SDK1: variants seen among roughly 807,000 people sequenced by gnomAD.
SDK1 encodes protein sidekick-1.
A neutral mutation model predicts 245.5 loss-of-function variants in SDK1; 157 were observed. The observed-to-expected ratio is 0.64, with a 90% CI of 0.56 to 0.73. The LOEUF (loss-of-function observed/expected upper bound fraction) is 0.73. SDK1 is among the 30% of genes least tolerant of loss of function. The pLI is 0.00. For missense variants in SDK1, 3,583 were observed against 3,002.3 expected, an observed-to-expected ratio of 1.19 and a Z score of -4.52; for synonymous variants, 1,647 against 1,278.5, an observed-to-expected ratio of 1.29 and a Z score of -6.15.
At chr7:3,607,715 C>G (rs769322242) in intron 1 of SDK1, among the ~76,000 whole-genome samples, 2 of 152,134 alleles carry the variant, frequency 1.3e-5, no homozygotes, top group Non-Finnish European at 2.9e-5. Context: ...TTTAGAAAGC[C>G]AAAAGTAAAT....
chr7:4,139,627 ATATG>A lies in SDK1; in HGVS notation c.4229-6091_4229-6088del, dbSNP rs1158410553. Among the ~76,000 whole-genome samples, 26 of 38,056 alleles carry A rather than the reference ATATG, an allele frequency of 6.8e-4. 4 individuals carry two copies. The highest frequency in any genetic ancestry group is 1.8e-3 in the African/African-American group (19 of 10,856). 25.0% of individuals were successfully genotyped at this position (38,056 alleles called of 152,430 possible). A position where few individuals can be genotyped will look rare whatever the true frequency, so the allele number is the denominator to read the frequency against. On this transcript the variant is annotated intron_variant, in intron 28 of 44. Transcript: ENST00000404826. ...TATGTGTGTGTATATGTGTGTGTGTATATGTATATATGTGTGTGTATATGTGTGT... is the reference window on the plus strand; with the variant it reads ...TATGTGTGTGTATATGTGTGTGTGTATATATATGTGTGTGTATATGTGTGT...
chr7:4,183,658 A>T (rs1271971616), intron 35 of SDK1, among the ~76,000 whole-genome samples: 1 of 151,908 alleles, frequency 6.6e-6, no homozygotes, highest in East Asian at 1.9e-4. Context: ...AAAAAAAAAA[A>T]AGAAAGTATG....
chr7:3,379,954 C>G (rs965823524), intron 1 of SDK1, among the ~76,000 whole-genome samples: 1 of 152,136 alleles, frequency 6.6e-6, no homozygotes, highest in Non-Finnish European at 1.5e-5. Flanking sequence ...ATCCAAAAAT[C>G]CAAAGGCTCT....
At chr7:4,077,381 C>T (rs1399790226) in intron 21 of SDK1, among the ~76,000 whole-genome samples, 192 bp downstream of exon 21, 6 of 152,360 alleles carry the variant, frequency 3.9e-5, no homozygotes, top group South Asian at 4.1e-4. Flanking sequence ...CATTCCACCA[C>T]GGCCTCACGT....
Position 4,178,540 on chromosome 7 carries a change from C to G in SDK1, c.5052C>G (p.Gly1684=), listed in dbSNP as rs144051283. 6 of 1,613,698 alleles carry G rather than the reference C, an allele frequency of 3.7e-6. No individual in the cohort carries two copies. Among genetic ancestry groups the G allele is most frequent in the South Asian group, 2.2e-5 (2 of 91,070 alleles). ...EVIMTAYNII[G]ESPASAPVEV... ...TAATGACCGCCTATAACATCATCGG[C>G]GAGAGCCCAGCCAGCGCGCCCGTGG... Residue 1684 remains glycine, a synonymous_variant, in exon 35 of 45, where the codon GGC becomes GGG. Transcript: ENST00000404826.
Position 3,974,387 on chromosome 7 carries a change from C to T in SDK1, c.1836C>T (p.Asp612=). The part of the protein sequence containing the change: ...RVSLRYVWKK[D]NVALTPSSTS... ...CCCACAGCTACGTTTGGAAGAAGGACAACGTGGCCCTGACTCCATCGAGCA... is the reference window on the plus strand; with the variant it reads ...CCCACAGCTACGTTTGGAAGAAGGATAACGTGGCCCTGACTCCATCGAGCA... The change falls in exon 13 of 45, where the codon GAC becomes GAT. Residue 612 remains aspartate, a synonymous_variant. Transcript: ENST00000404826. 6.2e-7 allele frequency: 1 copy of T among 1,613,022 alleles called. No individual in the cohort carries two copies. Among genetic ancestry groups the T allele is most frequent in the Non-Finnish European group, 8.5e-7 (1 of 1,179,192 alleles).
At chr7:4,129,781 A>G in intron 26 of SDK1, 127 bp from the exon 27 acceptor site, 3 of 1,515,602 alleles carry the variant, frequency 2.0e-6, no homozygotes, top group Non-Finnish European at 2.6e-6. Context: ...AGCCCTGCAC[A>G]CAGCCATCCT....
In SDK1 at chr7:3,913,804, A is replaced by G. The variant is rs140725202; in HGVS notation, c.848-37119A>G. On this transcript the variant is annotated intron_variant, in intron 5 of 44. Coordinates refer to ENST00000404826, the MANE Select transcript of SDK1 (RefSeq NM_152744.4). The stretch of plus-strand genomic sequence containing the variant: ...TGGGGTAGACAGATGCTGACCCCTG[A>G]CAATTTCTCTTTGATTTTCCTCCAC... Among the ~76,000 whole-genome samples the G allele has an allele frequency of 2.7e-3, 412 of 152,300 alleles. 1 individual carries two copies. The highest frequency in any genetic ancestry group is 0.014 in the Middle Eastern group (4 of 294).
chr7:3,355,073 CTT>C (rs1780756217), intron 1 of SDK1, among the ~76,000 whole-genome samples: 1 of 152,122 alleles, frequency 6.6e-6, no homozygotes, highest in Admixed American at 6.5e-5. Flanking sequence ...CAAATCTAGT[CTT>C]TTCTTAGTCA....
rs745388846 is a variant in SDK1 at position 3,755,240 on chromosome 7, G to GT, written c.714-66209dup. Among the ~76,000 whole-genome samples the GT allele has an allele frequency of 1.2e-4, 18 of 152,280 alleles. 1 individual carries two copies. Among genetic ancestry groups the GT allele is most frequent in the Admixed American group, 3.9e-4 (6 of 15,298 alleles). ...AGAAAGGGGGCGTGTTGTGTGGTTGGTGTGGGGAGCGTATTTGGCTTCCTC... is the reference window on the plus strand; with the variant it reads ...AGAAAGGGGGCGTGTTGTGTGGTTGGTTGTGGGGAGCGTATTTGGCTTCCTC... On this transcript the variant is annotated intron_variant, in intron 4 of 44. Coordinates refer to ENST00000404826, the MANE Select transcript of SDK1 (RefSeq NM_152744.4).
intron 14 of SDK1, among the ~76,000 whole-genome samples, chr7:3,988,262 C>T (rs1784032213): frequency 6.6e-6 from 1 of 151,404 alleles, no homozygotes; most frequent in African/African-American, 2.4e-5. Context: ...CCCTGGACCC[C>T]AGCCCCCACC....
chr7:3,369,695 T>C (rs1045507156), intron 1 of SDK1, among the ~76,000 whole-genome samples: 27 of 152,388 alleles, frequency 1.8e-4, no homozygotes, highest in East Asian at 1.3e-3. Flanking sequence ...TAAAGAATTA[T>C]TATAAATTAA....
intron 7 of SDK1, among the ~76,000 whole-genome samples, chr7:3,952,358 C>T (rs1780903092): frequency 6.6e-6 from 1 of 152,180 alleles, no homozygotes; most frequent in African/African-American, 2.4e-5. Flanking sequence ...GTGGGCGGAT[C>T]ACTTGAGGCC....
At chr7:4,114,889 G>A (rs531043998) in intron 25 of SDK1, among the ~76,000 whole-genome samples, 2 of 152,272 alleles carry the variant, frequency 1.3e-5, no homozygotes, top group African/African-American at 4.8e-5. Flanking sequence ...GTTCAGGAGT[G>A]GAACGTCACT....
In SDK1 at chr7:3,563,995, G is replaced by A. The variant is rs1026754900; in HGVS notation, c.299-55085G>A. On this transcript the variant is annotated intron_variant, in intron 1 of 44. Transcript: ENST00000404826. Reference sequence around the variant, plus strand: ...ATAAAATTATGATATATTTAGAACTGAAAGACAGTGAAAACATGACATTTC... The same window carrying A: ...ATAAAATTATGATATATTTAGAACTAAAAGACAGTGAAAACATGACATTTC... Among the ~76,000 whole-genome samples, 11 of 152,064 alleles carry A rather than the reference G, an allele frequency of 7.2e-5. No individual in the cohort carries two copies. In the East Asian group the frequency reaches 1.5e-3, roughly 21 times the overall value.
intron 2 of SDK1, among the ~76,000 whole-genome samples, chr7:3,624,367 T>G (rs1312138715): frequency 6.6e-6 from 1 of 151,984 alleles, no homozygotes; most frequent in Admixed American, 6.6e-5. Flanking sequence ...CCTGGCTAAG[T>G]TTTCTATTTT....
intron 12 of SDK1, 43 bp from the exon 13 acceptor site, chr7:3,974,326 C>T: frequency 6.4e-7 from 1 of 1,560,344 alleles, no homozygotes; most frequent in South Asian, 1.2e-5. Context: ...GTGATTCTGT[C>T]ACTGTGGGGT....
intron 4 of SDK1, among the ~76,000 whole-genome samples, chr7:3,787,902 C>G (rs879285354): frequency 6.6e-6 from 1 of 152,184 alleles, no homozygotes; most frequent in Non-Finnish European, 1.5e-5. Context: ...GTATGGCTGT[C>G]AGTGTCACAT....
rs369620013 is a variant in SDK1 at position 3,409,870 on chromosome 7, G to GA, written c.298+107988dup. Reference sequence around the variant, plus strand: ...GGAACTCTCCTAGCAGAGTTTAAGCGAATGAGCGTATATATTTGATGAGGT... The same window carrying GA: ...GGAACTCTCCTAGCAGAGTTTAAGCGAAATGAGCGTATATATTTGATGAGGT... On this transcript the variant is annotated intron_variant, in intron 1 of 44. Transcript: ENST00000404826. Among the ~76,000 whole-genome samples, 31 of 152,178 alleles carry GA rather than the reference G, an allele frequency of 2.0e-4. 1 individual carries two copies. The highest frequency in any genetic ancestry group is 5.1e-4 in the African/African-American group (21 of 41,488).
Sources: allele counts gnomAD v4.1 joint callset (sites outside exome capture counted in the v4.1 genomes callset), GRCh38; gene constraint gnomAD v4.1.1; transcripts MANE v1.5; gene names NCBI Gene and HGNC (gene_info 2026-07-23, HGNC 2026-07-21).